The following RGS6 variants were observed in gnomAD, a reference collection of about 807,000 sequenced individuals.
RGS6 encodes regulator of G-protein signaling 6.
In RGS6, 30 loss-of-function variants were observed where a neutral mutation model predicts 78.5. That is an observed-to-expected ratio of 0.38 (90% CI 0.29 to 0.52). RGS6 has a LOEUF of 0.52. Among genes scored for constraint, RGS6 ranks in the 20% least tolerant of loss-of-function variants. The pLI is 0.85. For synonymous variants in RGS6, 206 were observed against 206.0 expected, an observed-to-expected ratio of 1.00 and a Z score of 0.00; for missense variants, 495 against 609.7, an observed-to-expected ratio of 0.81 and a Z score of 1.98.
chr14:72,553,887 G>A (rs752428528), intron 17 of RGS6, among the ~76,000 whole-genome samples: 4 of 152,178 alleles, frequency 2.6e-5, no homozygotes, highest in South Asian at 2.1e-4. Context: ...CTGGGAAACC[G>A]CCCATCCTCT....
chr14:72,135,169 G>A (rs545365057), intron 2 of RGS6, among the ~76,000 whole-genome samples: 2 of 152,260 alleles, frequency 1.3e-5, no homozygotes, highest in South Asian at 4.1e-4. Context: ...CTTATCCCTT[G>A]AGTTTGCCAA....
At chr14:72,403,025 A>C (rs2092606780) in intron 3 of RGS6, among the ~76,000 whole-genome samples, 1 of 151,654 alleles carries the variant, frequency 6.6e-6, no homozygotes, top group African/African-American at 2.4e-5. Context: ...CCCTGATCTC[A>C]AGTCATCTGC....
intron 2 of RGS6, among the ~76,000 whole-genome samples, chr14:72,114,713 A>G (rs894119502): frequency 6.6e-6 from 1 of 152,198 alleles, no homozygotes; most frequent in Non-Finnish European, 1.5e-5. Flanking sequence ...GCAAAATAAG[A>G]TTTAATTCTA....
At chr14:72,360,067 T>A (rs2081153453) in intron 3 of RGS6, among the ~76,000 whole-genome samples, 1 of 152,134 alleles carries the variant, frequency 6.6e-6, no homozygotes, top group South Asian at 2.1e-4. Context: ...GATAATATGT[T>A]TGTATTATAG....
rs117004095 is a variant in RGS6 at position 72,467,396 on chromosome 14, C to T, written c.459+1574C>T. Among the ~76,000 whole-genome samples the T allele has an allele frequency of 4.9e-3, 746 of 152,296 alleles. 3 individuals are homozygous for T. Among genetic ancestry groups the T allele is most frequent in the Admixed American group, 0.01 (159 of 15,296 alleles). ...AGACCCACCCACCGCCAAAGCCCTT[C>T]CTGCTTTTACTGCCTCAGTCTTTCA... On this transcript the variant is annotated intron_variant, in intron 7 of 17. Coordinates refer to ENST00000553525, the MANE Select transcript of RGS6 (RefSeq NM_001204424.2).
intron 2 of RGS6, among the ~76,000 whole-genome samples, chr14:72,002,382 A>G (rs1257868307): frequency 6.6e-6 from 1 of 152,176 alleles, no homozygotes; most frequent in Non-Finnish European, 1.5e-5. Flanking sequence ...TTTGAGTGGC[A>G]TTTTAGACAT....
chr14:72,155,027 C>A (rs905844255), intron 2 of RGS6, among the ~76,000 whole-genome samples: 5 of 152,230 alleles, frequency 3.3e-5, no homozygotes, highest in Non-Finnish European at 5.9e-5. Context: ...TAAACAATTT[C>A]ACCGTTAGGT....
the RGS6 span, chr14:72,612,699 T>A: frequency 2.1e-6 from 1 of 470,088 alleles, no homozygotes; most frequent in Non-Finnish European, 4.3e-6. Flanking sequence ...CCATAAAAGC[T>A]TTGCATCCCT....
At chr14:72,271,540 T>G (rs1382885539) in intron 2 of RGS6, among the ~76,000 whole-genome samples, 1 of 152,214 alleles carries the variant, frequency 6.6e-6, no homozygotes, top group East Asian at 1.9e-4. Context: ...AAGTTCAGAC[T>G]TGGTCAGTAG....
chr14:72,034,253 TAAAGGA>T (rs2091351254), intron 2 of RGS6, among the ~76,000 whole-genome samples: 1 of 152,148 alleles, frequency 6.6e-6, no homozygotes, highest in Non-Finnish European at 1.5e-5. Flanking sequence ...TTTCTGAACT[TAAAGGA>T]AAAGCTTTCA....
intron 2 of RGS6, among the ~76,000 whole-genome samples, chr14:72,350,675 A>G (rs895476283): frequency 5.9e-5 from 9 of 152,346 alleles, no homozygotes; most frequent in South Asian, 4.1e-4. Flanking sequence ...GTTGACCTAC[A>G]CTAGACATGT....
chr14:71,901,409 G>T, the RGS6 span, among the ~76,000 whole-genome samples: 4 of 152,164 alleles, frequency 2.6e-5, no homozygotes, highest in Non-Finnish European at 4.4e-5. Context: ...TACATGGCAG[G>T]TATATAATAA....
At chr14:72,358,850 G>A (rs2080893261) in intron 3 of RGS6, among the ~76,000 whole-genome samples, 1 of 152,160 alleles carries the variant, frequency 6.6e-6, no homozygotes, top group South Asian at 2.1e-4. Flanking sequence ...AGGGGCTGGG[G>A]TAGAATGATA....
intron 2 of RGS6, among the ~76,000 whole-genome samples, chr14:72,282,020 G>A (rs1347986792): frequency 6.6e-6 from 1 of 152,298 alleles, no homozygotes; most frequent in Admixed American, 6.5e-5. Flanking sequence ...CACTTATGGA[G>A]CAACTGTAGG....
At chr14:72,010,155 A>G (rs1359064340) in intron 2 of RGS6, among the ~76,000 whole-genome samples, 1 of 152,176 alleles carries the variant, frequency 6.6e-6, no homozygotes, top group Non-Finnish European at 1.5e-5. Context: ...TGGCAGTGGT[A>G]GCTATTCTTA....
In RGS6 at chr14:72,097,161, A is replaced by G. The variant is rs185655042; in HGVS notation, c.84+132286A>G. On this transcript the variant is annotated intron_variant, in intron 2 of 17. Transcript: ENST00000553525. The stretch of plus-strand genomic sequence containing the variant: ...CAAAAAGAAGTAAACATTAACTTAA[A>G]AAATGCTTTTGATATTAATAGTTAC... Among the ~76,000 whole-genome samples, 3 of 152,342 alleles carry G rather than the reference A, an allele frequency of 2.0e-5. No individual in the cohort carries two copies. The East Asian group carries it at 5.8e-4, about 29-fold the overall frequency.
At chr14:72,189,760 T>A (rs1305085086) in intron 2 of RGS6, among the ~76,000 whole-genome samples, 1 of 152,148 alleles carries the variant, frequency 6.6e-6, no homozygotes. Context: ...TGTATTTTCT[T>A]TTTTTGTCTT....
At chr14:72,078,013 TTAG>T (rs537061009) in intron 2 of RGS6, among the ~76,000 whole-genome samples, 197 of 152,282 alleles carry the variant, frequency 1.3e-3, no homozygotes, top group Non-Finnish European at 2.0e-3. Context: ...CTAAAATGTC[TTAG>T]TGGTATGGTT....
At chr14:72,625,408 T>C in the RGS6 span, among the ~76,000 whole-genome samples, 2 of 152,182 alleles carry the variant, frequency 1.3e-5, no homozygotes, top group Non-Finnish European at 2.9e-5. Context: ...CTGTGTCCTC[T>C]AGACGCATGA....
Sources: gnomAD v4.1 joint callset for allele counts (sites outside exome capture counted in the v4.1 genomes callset) on GRCh38, gnomAD v4.1.1 for gene constraint, MANE v1.5 for transcripts, NCBI Gene and HGNC (gene_info 2026-07-23, HGNC 2026-07-21) for gene names.